The following CTNNA3 variants were observed in gnomAD, a reference collection of about 807,000 sequenced individuals.
CTNNA3 encodes catenin alpha 3.
Under a neutral mutation model 95.7 loss-of-function variants are expected in CTNNA3, and 76 were observed. The ratio of observed to expected loss-of-function variants is 0.79; its 90% CI spans 0.66 to 0.96. The LOEUF (loss-of-function observed/expected upper bound fraction) is 0.96. CTNNA3 is among the 40% of genes least tolerant of loss of function. The probability of loss-of-function intolerance (pLI) is 0.00; values close to 1 mark genes in which losing one functional copy is unlikely to be tolerated. For missense variants in CTNNA3, 1,191 were observed against 1,089.8 expected (o/e 1.09, Z -1.31); for synonymous variants, 431 against 374.4 (o/e 1.15, Z -1.74).
At chr10:65,957,205 T>C (rs542130279) in intron 17 of CTNNA3, among the ~76,000 whole-genome samples, 25 of 152,294 alleles carry the variant, frequency 1.6e-4, no homozygotes, top group African/African-American at 6.0e-4. Flanking sequence ...GAGACTAGGA[T>C]TGCAACCCCT....
intron 3 of CTNNA3, among the ~76,000 whole-genome samples, chr10:67,594,880 A>G (rs529339534): frequency 6.6e-6 from 1 of 151,348 alleles, no homozygotes; most frequent in East Asian, 1.9e-4. Flanking sequence ...CCCTCACCCC[A>G]CCTCCCACCC....
intron 7 of CTNNA3, among the ~76,000 whole-genome samples, chr10:66,898,618 T>A (rs1845598023): frequency 6.6e-6 from 1 of 152,170 alleles, no homozygotes; most frequent in South Asian, 2.1e-4. Context: ...CAAATAATGT[T>A]GAGGAAACTG....
rs572433778 is a variant in CTNNA3, at chr10:66,811,971, A to G, written c.1048-36447T>C. Reference sequence around the variant, plus strand: ...CATGAGTATGTTCAGTGGCCATACTATTCACATTTGAGCTCCTGCTTCCTG... The same window carrying G: ...CATGAGTATGTTCAGTGGCCATACTGTTCACATTTGAGCTCCTGCTTCCTG... On this transcript the variant is annotated intron_variant, in intron 7 of 17. Coordinates refer to ENST00000433211, the MANE Select transcript of CTNNA3 (RefSeq NM_013266.4). 3.5e-4 allele frequency among the ~76,000 whole-genome samples: 53 copies of G among 152,256 alleles called. No individual in the cohort carries two copies. The East Asian group carries it at 9.5e-3, about 27-fold the overall frequency.
intron 5 of CTNNA3, among the ~76,000 whole-genome samples, chr10:67,419,326 T>C (rs532260380): frequency 2.6e-5 from 4 of 151,994 alleles, no homozygotes; most frequent in African/African-American, 7.2e-5. Flanking sequence ...AAAAGGATAT[T>C]TTTTCTTCCA....
chr10:67,000,053 T>C (rs534987684), intron 7 of CTNNA3, among the ~76,000 whole-genome samples: 9 of 152,284 alleles, frequency 5.9e-5, no homozygotes, highest in African/African-American at 1.9e-4. Context: ...ACTGAAGCTT[T>C]AGTATACATG....
chr10:66,936,235 G>T (rs991776529), intron 7 of CTNNA3, among the ~76,000 whole-genome samples: 1 of 152,020 alleles, frequency 6.6e-6, no homozygotes, highest in African/African-American at 2.4e-5. Flanking sequence ...AAATGCAAGA[G>T]CATTAAGCTA....
intron 9 of CTNNA3, among the ~76,000 whole-genome samples, chr10:66,694,996 G>T (rs901615465): frequency 1.3e-5 from 2 of 152,064 alleles, no homozygotes; most frequent in Non-Finnish European, 2.9e-5. Context: ...TTGAACAGAG[G>T]CAAAGAAATA....
At position 67,652,561 on chromosome 10, in the gene CTNNA3, GTCTC is replaced by G. The variant is rs201513249; in HGVS notation, c.-5-5047_-5-5044del. 2.6e-5 allele frequency among the ~76,000 whole-genome samples: 4 copies of G among 151,732 alleles called. No homozygotes were observed. The East Asian group carries it at 7.7e-4, about 29-fold the overall frequency. ...TTAATAATGTATATAGTGAAACCAAGTCTCTCTCTCTCTCATCCCTGTCTTCCTA... is the reference window on the plus strand; with the variant it reads ...TTAATAATGTATATAGTGAAACCAAGTCTCTCTCTCATCCCTGTCTTCCTA... On this transcript the variant is annotated intron_variant, in intron 1 of 17. Coordinates refer to ENST00000433211, the MANE Select transcript of CTNNA3 (RefSeq NM_013266.4).
chr10:66,817,249 T>G (rs1292730245), intron 7 of CTNNA3, among the ~76,000 whole-genome samples: 1 of 151,702 alleles, frequency 6.6e-6, no homozygotes, highest in Admixed American at 6.6e-5. Context: ...CATCCAAATT[T>G]TTTAAAAAAC....
At chr10:66,854,151 C>T (rs1015058300) in intron 7 of CTNNA3, among the ~76,000 whole-genome samples, 6 of 151,900 alleles carry the variant, frequency 3.9e-5, no homozygotes, top group Non-Finnish European at 8.8e-5. Context: ...CCATAAAATC[C>T]CTTTAAAAAG....
chr10:66,663,037 C>T (rs10733824), intron 9 of CTNNA3, among the ~76,000 whole-genome samples: 98,812 of 151,168 alleles, frequency 0.65, 33,086 homozygotes, highest in East Asian at 0.95. Flanking sequence ...TACCACTGAC[C>T]TCCAGGAGCT....
intron 7 of CTNNA3, among the ~76,000 whole-genome samples, chr10:67,021,118 A>C (rs555972279): frequency 1.8e-4 from 28 of 152,188 alleles, no homozygotes; most frequent in Non-Finnish European, 4.1e-4. Flanking sequence ...GGAGGAGATA[A>C]AATGTGACGG....
chr10:66,770,609 G>T (rs1414543867), intron 8 of CTNNA3, among the ~76,000 whole-genome samples: 1 of 152,076 alleles, frequency 6.6e-6, no homozygotes, highest in Non-Finnish European at 1.5e-5. Context: ...GATGTAAGTG[G>T]TTTGGGATCT....
intron 13 of CTNNA3, among the ~76,000 whole-genome samples, chr10:66,273,930 G>T (rs932281265): frequency 1.3e-5 from 2 of 152,094 alleles, no homozygotes; most frequent in Admixed American, 6.6e-5. Context: ...GTCATTCTAG[G>T]TGGTCGTGTA....
At chr10:67,099,176 T>C (rs1281611394) in intron 7 of CTNNA3, 7 of 151,850 alleles carry the variant, frequency 4.6e-5, no homozygotes, top group Non-Finnish European at 8.8e-5. Context: ...ATATTGATTA[T>C]ACAATTGTAT....
chr10:66,355,960 T>C (rs1243963622), intron 12 of CTNNA3, among the ~76,000 whole-genome samples: 1 of 152,032 alleles, frequency 6.6e-6, no homozygotes, highest in Non-Finnish European at 1.5e-5. Flanking sequence ...CTGAATTATC[T>C]TGGCATTTCC....
At chr10:67,493,899 G>A (rs1838943205) in intron 5 of CTNNA3, among the ~76,000 whole-genome samples, 1 of 152,156 alleles carries the variant, frequency 6.6e-6, no homozygotes, top group Non-Finnish European at 1.5e-5. Context: ...GCATCGTCAT[G>A]TCGTTTGGAT....
At chr10:67,404,196 A>C (rs1458714581) in intron 5 of CTNNA3, among the ~76,000 whole-genome samples, 3 of 152,142 alleles carry the variant, frequency 2.0e-5, no homozygotes, top group African/African-American at 7.2e-5. Flanking sequence ...AACTGGACTG[A>C]GGCTGAGATG....
At position 67,736,821 on chromosome 10, in the gene CTNNA3, AC is replaced by A. The variant is rs1841305573; in HGVS notation, c.-2+26612del. ...ACTAGACTTAAGAGGCCTGACATTT[AC>A]AGAATATTTCACCAACTGCTACAGA... On this transcript the variant is annotated intron_variant, in intron 1 of 17. Transcript: ENST00000684154. Among the ~76,000 whole-genome samples, 9 of 152,240 alleles carry A rather than the reference AC, an allele frequency of 5.9e-5. No individual in the cohort carries two copies. The South Asian group carries it at 1.7e-3, about 28-fold the overall frequency.
Sources: allele counts gnomAD v4.1 joint callset (sites outside exome capture counted in the v4.1 genomes callset), GRCh38; gene constraint gnomAD v4.1.1; transcripts MANE v1.5; gene names NCBI Gene and HGNC (gene_info 2026-07-23, HGNC 2026-07-21).